The following UBL4B variants were observed in gnomAD, a reference collection of about 807,000 sequenced individuals.
UBL4B encodes ubiquitin-like protein 4B.
For missense variants in UBL4B, 194 were observed against 209.9 expected (o/e 0.92, Z 0.47); for synonymous variants, 94 against 92.8 (o/e 1.01, Z -0.08).
chr1:110,113,911 A>G lies in UBL4B; in HGVS notation c.*852A>G, dbSNP rs781306798. ...CGCAGCCTAGATGCAGAGAGCTGCT[A>G]TACATGTGAAAAGTAAAGTGGTGAC... On this transcript the variant is annotated 3_prime_UTR_variant, in exon 1 of 1. Coordinates refer to ENST00000334179, the MANE Select transcript of UBL4B (RefSeq NM_203412.2). 1.2e-5 allele frequency: 2 copies of G among 166,952 alleles called. No individual in the cohort carries two copies. Among genetic ancestry groups the G allele is most frequent in the Non-Finnish European group, 2.9e-5 (2 of 68,138 alleles). The allele number at this position is 166,952 out of a possible 1,614,324, so 10.3% of individuals were successfully genotyped here.
rs140224801 is a variant in UBL4B at position 110,112,608 on chromosome 1, C to T, written c.74C>T (p.Thr25Met). 9.1e-5 allele frequency: 147 copies of T among 1,614,154 alleles called. No homozygotes were observed. The African/African-American group carries it at 1.4e-3, about 15-fold the overall frequency. Reference protein sequence around the residue: ...LKVSGQESVATLKRLVSRRLK... With the variant: ...LKVSGQESVAMLKRLVSRRLK... ...GTGTCAGGGCAAGAGAGTGTAGCCA[C>T]GCTGAAGAGACTGGTGTCCAGGCGG... is the stretch of plus-strand genomic sequence containing the variant. Residue 25 changes from threonine (T) to methionine (M), a missense_variant, in exon 1 of 1, where the codon ACG (threonine) becomes ATG (methionine). Coordinates refer to ENST00000334179, the MANE Select transcript of UBL4B (RefSeq NM_203412.2).
At position 110,112,946 on chromosome 1, in the gene UBL4B, C is replaced by T. The variant is rs1201295273; in HGVS notation, c.412C>T (p.Leu138=). Residue 138 remains leucine, a synonymous_variant, in exon 1 of 1, where the codon CTG becomes TTG. Transcript: ENST00000334179. Reference sequence around the variant, plus strand: ...CCTGGAGCAGCTGGCCCAGTACCTCCTGGCAGAGGAGCCTCACGTGGAGCC... The same window carrying T: ...CCTGGAGCAGCTGGCCCAGTACCTCTTGGCAGAGGAGCCTCACGTGGAGCC... ...EHLEQLAQYL[L]AEEPHVEPAG... The T allele has an allele frequency of 1.2e-6, 2 of 1,608,274 alleles. No individual in the cohort carries two copies. The highest frequency in any genetic ancestry group is 2.2e-5 in the South Asian group (2 of 90,450).
Position 110,113,245 on chromosome 1 carries a change from G to A in UBL4B, c.*186G>A, listed in dbSNP as rs1364323998. ...GGGCCTGAGGTCCTCCCTCTGAAAT[G>A]CAGAGTGAACCAACCCTCATCACCA... On this transcript the variant is annotated 3_prime_UTR_variant, in exon 1 of 1. Coordinates refer to ENST00000334179, the MANE Select transcript of UBL4B (RefSeq NM_203412.2). The A allele has an allele frequency of 1.2e-6, 1 of 857,762 alleles. No individual in the cohort carries two copies. Among genetic ancestry groups the A allele is most frequent in the Non-Finnish European group, 1.8e-6 (1 of 567,222 alleles). 53.1% of individuals were successfully genotyped at this position (857,762 alleles called of 1,614,324 possible).
chr1:110,112,732 T>C lies in UBL4B; in HGVS notation c.198T>C (p.Ser66=). 2 of 1,614,058 alleles carry C rather than the reference T, an allele frequency of 1.2e-6. No individual in the cohort carries two copies. The highest frequency in any genetic ancestry group is 1.7e-4 in the Middle Eastern group (1 of 6,060). ...LSDYCIGPNA[S]INVIMQPLEK... ...ACTACTGCATTGGGCCCAATGCCTC[T>C]ATCAATGTCATCATGCAGCCCTTGG... The change falls in exon 1 of 1, where the codon TCT becomes TCC. Residue 66 remains serine (S), a synonymous_variant. Coordinates refer to ENST00000334179, the MANE Select transcript of UBL4B (RefSeq NM_203412.2).
chr1:110,112,767 C>A lies in UBL4B; in HGVS notation c.233C>A (p.Ala78Glu), dbSNP rs756843648. 5.6e-6 allele frequency: 9 copies of A among 1,613,880 alleles called. No homozygotes were observed. Among genetic ancestry groups the A allele is most frequent in the Admixed American group, 1.7e-5 (1 of 60,024 alleles). The change falls in exon 1 of 1, where the codon GCG (alanine) becomes GAG (glutamate). Residue 78 changes from alanine (A) to glutamate (E), a missense_variant. Coordinates refer to ENST00000334179, the MANE Select transcript of UBL4B (RefSeq NM_203412.2). Reference protein sequence around the residue: ...NVIMQPLEKMALKEAHQPQTQ... With the variant: ...NVIMQPLEKMELKEAHQPQTQ... ...ATCATGCAGCCCTTGGAGAAGATGG[C>A]GCTAAAGGAGGCCCACCAGCCGCAG... is the stretch of plus-strand genomic sequence containing the variant.
Position 110,113,305 on chromosome 1 carries a change from C to T in UBL4B, c.*246C>T. 1 of 549,954 alleles carries T rather than the reference C, an allele frequency of 1.8e-6. No individual in the cohort carries two copies. The highest frequency in any genetic ancestry group is 3.1e-5 in the South Asian group (1 of 32,520). The allele number at this position is 549,954 out of a possible 1,614,324, so 34.1% of individuals were successfully genotyped here. On this transcript the variant is annotated 3_prime_UTR_variant, in exon 1 of 1. Transcript: ENST00000334179. ...TAGAAGGGTTCTGATCACCGGAGGG[C>T]AGCCCCAAAGGCCACAGTCCCCTCC...
Position 110,112,648 on chromosome 1 carries a change from G to A in UBL4B, c.114G>A (p.Glu38=), listed in dbSNP as rs1246065556. 2 of 1,614,200 alleles carry A rather than the reference G, an allele frequency of 1.2e-6. No homozygotes were observed. The highest frequency in any genetic ancestry group is 8.5e-7 in the Non-Finnish European group (1 of 1,180,052). The change falls in exon 1 of 1, where the codon GAG becomes GAA. Residue 38 remains glutamate (E), a synonymous_variant. Coordinates refer to ENST00000334179, the MANE Select transcript of UBL4B (RefSeq NM_203412.2). Reference sequence around the variant, plus strand: ...TGTCCAGGCGGCTGAAGGTGCCTGAGGAGCAGCAGCACCTGCTTTTCCGTG... The same window carrying A: ...TGTCCAGGCGGCTGAAGGTGCCTGAAGAGCAGCAGCACCTGCTTTTCCGTG... The part of the protein sequence containing the change: ...RLVSRRLKVP[E]EQQHLLFRGQ...
Position 110,113,280 on chromosome 1 carries a change from T to A in UBL4B, c.*221T>A. Reference sequence around the variant, plus strand: ...CCAACCCTCATCACCATGCTTCCCCTAGAAGGGTTCTGATCACCGGAGGGC... The same window carrying A: ...CCAACCCTCATCACCATGCTTCCCCAAGAAGGGTTCTGATCACCGGAGGGC... On this transcript the variant is annotated 3_prime_UTR_variant, in exon 1 of 1. Coordinates refer to ENST00000334179, the MANE Select transcript of UBL4B (RefSeq NM_203412.2). 1 of 648,540 alleles carries A rather than the reference T, an allele frequency of 1.5e-6. No individual in the cohort carries two copies. The highest frequency in any genetic ancestry group is 2.6e-6 in the Non-Finnish European group (1 of 390,408). The allele number at this position is 648,540 out of a possible 1,614,324, so 40.2% of individuals were successfully genotyped here. A position where few individuals can be genotyped will look rare whatever the true frequency, so the allele number is the denominator to read the frequency against.
Position 110,112,897 on chromosome 1 carries a change from C to T in UBL4B, c.363C>T (p.Arg121=), listed in dbSNP as rs1654829614. Residue 121 remains arginine (R), a synonymous_variant, in exon 1 of 1, where the codon CGC becomes CGT. Coordinates refer to ENST00000334179, the MANE Select transcript of UBL4B (RefSeq NM_203412.2). ...LQLLRQEHEE[R]LQKISLEHLE... ...TGCTAAGGCAGGAGCACGAGGAGCG[C>T]CTGCAGAAGATAAGCCTGGAGCACC... The T allele has an allele frequency of 1.9e-6, 3 of 1,612,942 alleles. No homozygotes were observed. Among genetic ancestry groups the T allele is most frequent in the Admixed American group, 1.7e-5 (1 of 59,884 alleles).
rs61732287 is a variant in UBL4B at position 110,112,888 on chromosome 1, C to T, written c.354C>T (p.His118=). 1.7e-3 allele frequency: 2,719 copies of T among 1,613,204 alleles called. 50 individuals are homozygous for T. In the African/African-American group the frequency reaches 0.032, roughly 19 times the overall value. ...TGCTGCAGCTGCTAAGGCAGGAGCA[C>T]GAGGAGCGCCTGCAGAAGATAAGCC... ...KAVLQLLRQE[H]EERLQKISLE... is the part of the protein sequence containing the mutation. The change falls in exon 1 of 1, where the codon CAC becomes CAT. Residue 118 remains histidine, a synonymous_variant. Transcript: ENST00000334179.
At position 110,113,177 on chromosome 1, in the gene UBL4B, C is replaced by T; in HGVS notation, c.*118C>T. Reference sequence around the variant, plus strand: ...GGATGCGTCCACACCCCTTTTTGAACCTTCCAAGCAGCTGGAGGGTTTTTG... The same window carrying T: ...GGATGCGTCCACACCCCTTTTTGAATCTTCCAAGCAGCTGGAGGGTTTTTG... On this transcript the variant is annotated 3_prime_UTR_variant, in exon 1 of 1. Transcript: ENST00000334179. 7.2e-7 allele frequency: 1 copy of T among 1,396,894 alleles called. No individual in the cohort carries two copies. The allele number at this position is 1,396,894 out of a possible 1,614,324, so 86.5% of individuals were successfully genotyped here.
In UBL4B at chr1:110,113,068, T is replaced by G; in HGVS notation, c.*9T>G. ...CAGCAGCTGATCAGTAAACGGGCCA[T>G]CCTACCCATTTGCATGCTAAAATTC... On this transcript the variant is annotated 3_prime_UTR_variant, in exon 1 of 1. Coordinates refer to ENST00000334179, the MANE Select transcript of UBL4B (RefSeq NM_203412.2). 1 of 1,543,706 alleles carries G rather than the reference T, an allele frequency of 6.5e-7. No individual in the cohort carries two copies. Among genetic ancestry groups the G allele is most frequent in the South Asian group, 1.3e-5 (1 of 78,198 alleles).
In UBL4B at chr1:110,112,883, G is replaced by A. The variant is rs1056484641; in HGVS notation, c.349G>A (p.Glu117Lys). 6.8e-6 allele frequency: 11 copies of A among 1,613,184 alleles called. No individual in the cohort carries two copies. Among genetic ancestry groups the A allele is most frequent in the Non-Finnish European group, 9.3e-6 (11 of 1,179,940 alleles). Reference sequence around the variant, plus strand: ...GGCCGTGCTGCAGCTGCTAAGGCAGGAGCACGAGGAGCGCCTGCAGAAGAT... The same window carrying A: ...GGCCGTGCTGCAGCTGCTAAGGCAGAAGCACGAGGAGCGCCTGCAGAAGAT... ...AKAVLQLLRQ[E>K]HEERLQKISL... The change falls in exon 1 of 1, where the codon GAG becomes AAG. Residue 117 changes from glutamate (E) to lysine (K), a missense_variant. By Grantham distance (56) the Glu-to-Lys change is moderately conservative. Transcript: ENST00000334179.
Position 110,112,665 on chromosome 1 carries a change from T to C in UBL4B, c.131T>C (p.Leu44Pro), listed in dbSNP as rs949182554. Reference protein sequence around the residue: ...LKVPEEQQHLLFRGQLLEDDK... With the variant: ...LKVPEEQQHLPFRGQLLEDDK... ...GTGCCTGAGGAGCAGCAGCACCTGC[T>C]TTTCCGTGGCCAGCTCCTGGAGGAT... The change falls in exon 1 of 1, where the codon CTT (leucine) becomes CCT (proline). Residue 44 changes from leucine (L) to proline (P), a missense_variant. By Grantham distance (98) the Leu-to-Pro change is moderately conservative. Transcript: ENST00000334179. 5 of 1,614,032 alleles carry C rather than the reference T, an allele frequency of 3.1e-6. No individual in the cohort carries two copies. The highest frequency in any genetic ancestry group is 4.2e-6 in the Non-Finnish European group (5 of 1,180,050).
chr1:110,113,299 G>A lies in UBL4B; in HGVS notation c.*240G>A, dbSNP rs529054834. On this transcript the variant is annotated 3_prime_UTR_variant, in exon 1 of 1. Coordinates refer to ENST00000334179, the MANE Select transcript of UBL4B (RefSeq NM_203412.2). ...TTCCCCTAGAAGGGTTCTGATCACCGGAGGGCAGCCCCAAAGGCCACAGTC... is the reference window on the plus strand; with the variant it reads ...TTCCCCTAGAAGGGTTCTGATCACCAGAGGGCAGCCCCAAAGGCCACAGTC... 77 of 566,454 alleles carry A rather than the reference G, an allele frequency of 1.4e-4. No homozygotes were observed. The highest frequency in any genetic ancestry group is 1.2e-3 in the African/African-American group (65 of 52,948). The allele number at this position is 566,454 out of a possible 1,614,324, so 35.1% of individuals were successfully genotyped here.
Position 110,113,631 on chromosome 1 carries a change from G to C in UBL4B, c.*572G>C, listed in dbSNP as rs910049690. 6.0e-6 allele frequency: 1 copy of C among 167,856 alleles called. No homozygotes were observed. The highest frequency in any genetic ancestry group is 2.4e-5 in the African/African-American group (1 of 41,456). The allele number at this position is 167,856 out of a possible 1,614,324, so 10.4% of individuals were successfully genotyped here. On this transcript the variant is annotated 3_prime_UTR_variant, in exon 1 of 1. Transcript: ENST00000334179. ...AGAGGTGAGAGTGGGAGGAGGGCACGTACCGGGTGCCAGCCCTGGAGCCCT... is the reference window on the plus strand; with the variant it reads ...AGAGGTGAGAGTGGGAGGAGGGCACCTACCGGGTGCCAGCCCTGGAGCCCT...
rs543343036 is a variant in UBL4B at position 110,112,609 on chromosome 1, G to A, written c.75G>A (p.Thr25=). The A allele has an allele frequency of 3.5e-5, 56 of 1,614,166 alleles. No homozygotes were observed. The Admixed American group carries it at 4.2e-4, about 12-fold the overall frequency. Residue 25 remains threonine (T), a synonymous_variant, in exon 1 of 1, where the codon ACG becomes ACA. Transcript: ENST00000334179. The part of the protein sequence containing the change: ...LKVSGQESVA[T]LKRLVSRRLK... ...TGTCAGGGCAAGAGAGTGTAGCCAC[G>A]CTGAAGAGACTGGTGTCCAGGCGGC...
At position 110,112,632 on chromosome 1, in the gene UBL4B, G is replaced by A. The variant is rs754219945; in HGVS notation, c.98G>A (p.Arg33Gln). 33 of 1,614,058 alleles carry A rather than the reference G, an allele frequency of 2.0e-5. No homozygotes were observed. The highest frequency in any genetic ancestry group is 8.8e-5 in the South Asian group (8 of 91,082). Reference sequence around the variant, plus strand: ...ACGCTGAAGAGACTGGTGTCCAGGCGGCTGAAGGTGCCTGAGGAGCAGCAG... The same window carrying A: ...ACGCTGAAGAGACTGGTGTCCAGGCAGCTGAAGGTGCCTGAGGAGCAGCAG... ...VATLKRLVSR[R>Q]LKVPEEQQHL... is the part of the protein sequence containing the mutation. The change falls in exon 1 of 1, where the codon CGG (arginine) becomes CAG (glutamine). Residue 33 changes from arginine to glutamine, a missense_variant. Transcript: ENST00000334179.
chr1:110,112,641 T>C lies in UBL4B; in HGVS notation c.107T>C (p.Val36Ala). 1 of 1,614,150 alleles carries C rather than the reference T, an allele frequency of 6.2e-7. No individual in the cohort carries two copies. Among genetic ancestry groups the C allele is most frequent in the South Asian group, 1.1e-5 (1 of 91,080 alleles). ...LKRLVSRRLKVPEEQQHLLFR... is the reference protein window; with the variant it reads ...LKRLVSRRLKAPEEQQHLLFR... ...AGACTGGTGTCCAGGCGGCTGAAGG[T>C]GCCTGAGGAGCAGCAGCACCTGCTT... The change falls in exon 1 of 1, where the codon GTG becomes GCG. Residue 36 changes from valine to alanine, a missense_variant. Coordinates refer to ENST00000334179, the MANE Select transcript of UBL4B (RefSeq NM_203412.2).
Sources: gnomAD v4.1 joint callset for allele counts on GRCh38, gnomAD v4.1.1 for gene constraint, MANE v1.5 for transcripts, NCBI Gene and HGNC (gene_info 2026-07-23, HGNC 2026-07-21) for gene names.